Variants in COL10A1 observed in about 807,000 individuals in gnomAD.
COL10A1 encodes collagen alpha-1(X) chain.
A neutral mutation model predicts 18.2 loss-of-function variants in COL10A1; 10 were observed. That is an observed-to-expected ratio of 0.55 (90% confidence interval 0.34 to 0.93). COL10A1 has a LOEUF of 0.93. COL10A1 is among the 40% of genes least tolerant of loss of function. The pLI is 0.02. For synonymous variants in COL10A1, 330 were observed against 316.6 expected (o/e 1.04, Z -0.45); for missense variants, 897 against 853.5 (o/e 1.05, Z -0.64).
chr6:116,161,004 T>G (rs1026797193), upstream of COL10A1, among the ~76,000 whole-genome samples: 10 of 151,846 alleles, frequency 6.6e-5, no homozygotes, highest in East Asian at 1.9e-3. Flanking sequence ...TGGAATACTA[T>G]GCAGCCATAA....
At chr6:116,142,011 A>G (rs1355138344) in intron 1 of COL10A1, among the ~76,000 whole-genome samples, 1 of 151,772 alleles carries the variant, frequency 6.6e-6, no homozygotes, top group Non-Finnish European at 1.5e-5. Flanking sequence ...TTAGATGAAA[A>G]CTCAAAAAAA....
the COL10A1 span, among the ~76,000 whole-genome samples, chr6:116,178,286 C>A: frequency 6.6e-6 from 1 of 152,158 alleles, no homozygotes; most frequent in Non-Finnish European, 1.5e-5. Context: ...CCCTGCTTCG[C>A]TTCTGAGATC....
the COL10A1 span, among the ~76,000 whole-genome samples, chr6:116,164,670 G>T: frequency 6.6e-6 from 1 of 152,158 alleles, no homozygotes; most frequent in African/African-American, 2.4e-5. Flanking sequence ...TAGGATGTGT[G>T]AACTTTGTAC....
chr6:116,195,952 T>A, the COL10A1 span, among the ~76,000 whole-genome samples: 1 of 152,060 alleles, frequency 6.6e-6, no homozygotes, highest in Non-Finnish European at 1.5e-5. Flanking sequence ...CCATATTTGA[T>A]GATGAGCATT....
the COL10A1 span, among the ~76,000 whole-genome samples, chr6:116,188,622 G>C: frequency 1.3e-5 from 2 of 151,702 alleles, no homozygotes; most frequent in Non-Finnish European, 2.9e-5. Flanking sequence ...AGCCAGAAAA[G>C]TAAGGATGTA....
upstream of COL10A1, among the ~76,000 whole-genome samples, chr6:116,128,571 CTG>C (rs1398511013): frequency 6.6e-6 from 1 of 152,090 alleles, no homozygotes; most frequent in African/African-American, 2.4e-5. Flanking sequence ...ATTTGTACAT[CTG>C]TGGATCGTTA....
chr6:116,179,306 A>G, the COL10A1 span, among the ~76,000 whole-genome samples: 1 of 152,174 alleles, frequency 6.6e-6, no homozygotes, highest in African/African-American at 2.4e-5. Flanking sequence ...GCATAATGGC[A>G]GGAGGATTTA....
intron 2 of COL10A1, 55 bp from the exon 3 acceptor site, chr6:116,122,016 A>G: frequency 6.8e-7 from 1 of 1,463,386 alleles, no homozygotes. Flanking sequence ...AGTGACATTA[A>G]AGAGAATCAT....
chr6:116,168,955 C>G, the COL10A1 span, among the ~76,000 whole-genome samples: 3 of 152,200 alleles, frequency 2.0e-5, no homozygotes, highest in African/African-American at 7.2e-5. Context: ...TGTAGTATAG[C>G]CTTTTGGGTC....
intron 2 of COL10A1, among the ~76,000 whole-genome samples, chr6:116,124,111 A>G (rs1307440749): frequency 6.6e-6 from 1 of 151,972 alleles, no homozygotes; most frequent in African/African-American, 2.4e-5. Context: ...TCTGTTGTAT[A>G]CCTGTGCATT....
the COL10A1 span, among the ~76,000 whole-genome samples, chr6:116,200,593 A>C: frequency 2.6e-5 from 4 of 152,044 alleles, no homozygotes; most frequent in Non-Finnish European, 4.4e-5. Flanking sequence ...GTAAGACACT[A>C]TTATAAGTAA....
intron 1 of COL10A1, among the ~76,000 whole-genome samples, chr6:116,151,155 G>A (rs369937558): frequency 1.3e-5 from 2 of 151,794 alleles, no homozygotes; most frequent in African/African-American, 4.8e-5. Flanking sequence ...TTTTGCTTCC[G>A]GGCAGCTATC....
At chr6:116,195,713 A>G in the COL10A1 span, among the ~76,000 whole-genome samples, 1 of 152,068 alleles carries the variant, frequency 6.6e-6, no homozygotes, top group African/African-American at 2.4e-5. Flanking sequence ...CTTGTTAGCT[A>G]AATATATTCA....
rs753156670 is a variant in COL10A1 at position 116,120,439 on chromosome 6, G to A, written c.1677C>T (p.Ser559=). ...MPVSAFTVIL[S]KAYPAIGTPI... is the part of the protein sequence containing the mutation. ...GAGTTCCTATTGCTGGGTAAGCTTT[G>A]GAGAGAATAACAGTAAAAGCAGACA... is the stretch of plus-strand genomic sequence containing the variant. Residue 559 remains serine, a synonymous_variant, in exon 3 of 3, where the codon TCC becomes TCT. Coordinates refer to ENST00000651968, the MANE Select transcript of COL10A1 (RefSeq NM_000493.4). 6.2e-7 allele frequency: 1 copy of A among 1,614,226 alleles called. No individual in the cohort carries two copies. The highest frequency in any genetic ancestry group is 8.5e-7 in the Non-Finnish European group (1 of 1,180,034).
chr6:116,163,166 G>T (rs1377021977), upstream of COL10A1, among the ~76,000 whole-genome samples: 81 of 121,878 alleles, frequency 6.6e-4, no homozygotes, highest in African/African-American at 2.6e-3. Flanking sequence ...ATATATATTA[G>T]TAATATTGAT....
At chr6:116,193,685 C>A in the COL10A1 span, among the ~76,000 whole-genome samples, 3 of 152,078 alleles carry the variant, frequency 2.0e-5, no homozygotes, top group African/African-American at 7.2e-5. Context: ...ATTTTCAAAG[C>A]GTGCTTTAAT....
chr6:116,134,440 T>C (rs1225114796), intron 1 of COL10A1, among the ~76,000 whole-genome samples: 1 of 152,220 alleles, frequency 6.6e-6, no homozygotes, highest in African/African-American at 2.4e-5. Context: ...TCAAGGACTA[T>C]GGGTTATTTA....
At position 116,132,144 on chromosome 6, in the gene COL10A1, G is replaced by T. The variant is rs528190169; in HGVS notation, c.-15-6637C>A. The stretch of plus-strand genomic sequence containing the variant: ...TTATAGTGAATAACTTTGTGTGTGG[G>T]TGTATATGTAGCCTGAATGTCTTTG... On this transcript the variant is annotated intron_variant, in intron 1 of 1. Coordinates refer to the COL10A1 transcript ENST00000418500. Among the ~76,000 whole-genome samples the T allele has an allele frequency of 5.6e-4, 85 of 152,220 alleles. 2 individuals are homozygous for T. The highest frequency in any genetic ancestry group is 2.0e-3 in the African/African-American group (84 of 41,548).
At chr6:116,160,921 G>A (rs536051799), upstream of COL10A1, among the ~76,000 whole-genome samples, 5 of 152,022 alleles carry the variant, frequency 3.3e-5, no homozygotes, top group South Asian at 1.0e-3. Context: ...ATTCACAATA[G>A]CAAAGACTTG....
Sources: allele counts gnomAD v4.1 joint callset (sites outside exome capture counted in the v4.1 genomes callset), GRCh38; gene constraint gnomAD v4.1.1; transcripts MANE v1.5; gene names NCBI Gene and HGNC (gene_info 2026-07-23, HGNC 2026-07-21).